The following ATAD2B variants were observed in gnomAD, a reference collection of about 807,000 sequenced individuals.
ATAD2B encodes the protein ATPase family AAA domain containing 2B.
ATAD2B carries 40 observed loss-of-function variants against 167.6 expected under a neutral mutation model. The ratio of observed to expected loss-of-function variants is 0.24; its 90% CI spans 0.19 to 0.31. The LOEUF is 0.31. Ranked by LOEUF, ATAD2B falls within the 10% of genes least tolerant of loss-of-function variation. The pLI is 1.00. For missense variants in ATAD2B, 1,242 were observed against 1,757.2 expected (o/e 0.71, Z 5.24); for synonymous variants, 579 against 596.5 (o/e 0.97, Z 0.43).
At chr2:23,733,736 T>C in the ATAD2B span, among the ~76,000 whole-genome samples, 1 of 152,102 alleles carries the variant, frequency 6.6e-6, no homozygotes, top group Non-Finnish European at 1.5e-5. Flanking sequence ...CAACATCCAA[T>C]CACTGAATCC....
intron 22 of ATAD2B, among the ~76,000 whole-genome samples, chr2:23,780,655 T>A (rs1396097266): frequency 6.6e-6 from 1 of 151,926 alleles, no homozygotes; most frequent in Admixed American, 6.6e-5. Flanking sequence ...ATCCCAGCAC[T>A]CTGGGAGGCC....
At chr2:23,794,214 T>C (rs563407855) in intron 19 of ATAD2B, among the ~76,000 whole-genome samples, 2 of 152,380 alleles carry the variant, frequency 1.3e-5, no homozygotes, top group East Asian at 3.9e-4. Context: ...TATGCCATGT[T>C]GCCTAGGCTG....
intron 18 of ATAD2B, among the ~76,000 whole-genome samples, chr2:23,803,227 G>C (rs991425662): frequency 1.3e-5 from 2 of 151,914 alleles, no homozygotes; most frequent in African/African-American, 2.4e-5. Flanking sequence ...GAACTTAAGG[G>C]GGCAACTATA....
At chr2:23,921,169 A>C (rs1255801392) in intron 1 of ATAD2B, among the ~76,000 whole-genome samples, 1 of 134,316 alleles carries the variant, frequency 7.4e-6, no homozygotes, top group Non-Finnish European at 1.5e-5. Context: ...TTGTACCACT[A>C]TACTCCAGCC....
At chr2:23,770,932 C>T (rs1190286965) in intron 22 of ATAD2B, among the ~76,000 whole-genome samples, 2 of 152,162 alleles carry the variant, frequency 1.3e-5, no homozygotes, top group African/African-American at 4.8e-5. Context: ...AGAGAAATTA[C>T]ATTTTCATAA....
chr2:23,905,355 C>G (rs1701345925), intron 1 of ATAD2B, among the ~76,000 whole-genome samples: 1 of 152,076 alleles, frequency 6.6e-6, no homozygotes, highest in Non-Finnish European at 1.5e-5. Flanking sequence ...TGAGACTTGT[C>G]TCTACAAAAA....
At chr2:23,761,226 T>C (rs1474739544) in intron 24 of ATAD2B, among the ~76,000 whole-genome samples, 3 of 152,226 alleles carry the variant, frequency 2.0e-5, no homozygotes, top group Admixed American at 1.3e-4. Flanking sequence ...CTTTCTCATA[T>C]ACAAATGCCA....
intron 1 of ATAD2B, among the ~76,000 whole-genome samples, chr2:23,914,521 C>T (rs895527255): frequency 6.6e-6 from 1 of 151,990 alleles, no homozygotes; most frequent in African/African-American, 2.4e-5. Flanking sequence ...TAGCTCATGC[C>T]AAATATTGGC....
chr2:23,711,729 T>A, the ATAD2B span, among the ~76,000 whole-genome samples: 1 of 152,084 alleles, frequency 6.6e-6, no homozygotes, highest in Admixed American at 6.6e-5. Flanking sequence ...CTATTTTGGG[T>A]ACCATAAGCA....
At chr2:23,711,342 C>CTTTTTTTTTTTTTTTTTTTTTTTTTTT in the ATAD2B span, among the ~76,000 whole-genome samples, 1 of 79,784 alleles carries the variant, frequency 1.3e-5, no homozygotes, top group Non-Finnish European at 2.4e-5. Context: ...GAATTTCTTT[C>CTTTTTTTTTTTTTTTTTTTTTTTTTTT]TTTTTTTTTT....
At chr2:23,682,892 C>A in the ATAD2B span, among the ~76,000 whole-genome samples, 1 of 66 alleles carries the variant, frequency 0.015, no homozygotes, top group Non-Finnish European at 0.028. This position sits in a 1 kb window ranked among gnomAD's most constrained non-coding sequence, Gnocchi z 4.1. Flanking sequence ...AGTGATTCGG[C>A]CTTGCCATGG....
At chr2:23,788,317 G>A (rs1681128958) in intron 20 of ATAD2B, 195 bp downstream of exon 20, 2 of 570,402 alleles carry the variant, frequency 3.5e-6, no homozygotes, top group Non-Finnish European at 6.1e-6. Flanking sequence ...GTTTAGCAAA[G>A]CTTTAACAAG....
chr2:23,926,709 G>A lies in ATAD2B; in HGVS notation c.62C>T (p.Pro21Leu). 6.5e-7 allele frequency: 1 copy of A among 1,550,292 alleles called. No homozygotes were observed. Among genetic ancestry groups the A allele is most frequent in the Non-Finnish European group, 8.7e-7 (1 of 1,147,214 alleles). ...LLGSKSPGPG[P>L]GPGAGAEPGA... Reference sequence around the variant, plus strand: ...AGGCTCTGCTCCGGCCCCAGGCCCAGGCCCGGGACCAGGAGACTTGGACCC... The same window carrying A: ...AGGCTCTGCTCCGGCCCCAGGCCCAAGCCCGGGACCAGGAGACTTGGACCC... The change falls in exon 1 of 28, where the codon CCT becomes CTT. Residue 21 changes from proline to leucine, a missense_variant. Pro to Leu is a moderately conservative substitution (Grantham distance 98, BLOSUM62 -3). Coordinates refer to ENST00000238789, the MANE Select transcript of ATAD2B (RefSeq NM_017552.4).
At chr2:23,899,988 G>A (rs560712737) in intron 1 of ATAD2B, among the ~76,000 whole-genome samples, 13 of 141,066 alleles carry the variant, frequency 9.2e-5, no homozygotes, top group Non-Finnish European at 1.7e-4. Flanking sequence ...CAGTGGTCTC[G>A]GCTCACTGCA....
At chr2:23,831,144 G>A (rs1688997615) in intron 14 of ATAD2B, among the ~76,000 whole-genome samples, 1 of 152,050 alleles carries the variant, frequency 6.6e-6, no homozygotes, top group Non-Finnish European at 1.5e-5. Flanking sequence ...AAGTCAAAGG[G>A]CTTCCTCTAA....
the ATAD2B span, among the ~76,000 whole-genome samples, chr2:23,739,173 T>C: frequency 1.3e-5 from 2 of 152,120 alleles, no homozygotes; most frequent in South Asian, 4.2e-4. Context: ...TACCCAGGAA[T>C]TGAACTCAGC....
chr2:23,917,179 G>C (rs190307874), intron 1 of ATAD2B, among the ~76,000 whole-genome samples: 1 of 152,220 alleles, frequency 6.6e-6, no homozygotes, highest in Non-Finnish European at 1.5e-5. Context: ...CTGAATGAAT[G>C]AATGAATGAA....
chr2:23,888,494 C>T, intron 2 of ATAD2B, 95 bp from the exon 3 acceptor site: 1 of 805,340 alleles, frequency 1.2e-6, no homozygotes, highest in Non-Finnish European at 1.9e-6. Context: ...ATCTTTAAAA[C>T]TTTTTTAAAA....
intron 1 of ATAD2B, among the ~76,000 whole-genome samples, chr2:23,907,710 G>GCTTTGA (rs1701695116): frequency 6.6e-6 from 1 of 152,136 alleles, no homozygotes. Context: ...AACAAAGCTG[G>GCTTTGA]AGGCATCACA....
Sources: gnomAD v4.1 joint callset for allele counts (sites outside exome capture counted in the v4.1 genomes callset) on GRCh38, gnomAD v4.1.1 for gene constraint, Gnocchi (gnomAD v3.1) non-coding constraint, MANE v1.5 for transcripts, NCBI Gene and HGNC (gene_info 2026-07-23, HGNC 2026-07-21) for gene names.